SYN1: variants seen among roughly 807,000 people sequenced by gnomAD.
SYN1 encodes synapsin-1.
SYN1 carries 8 observed loss-of-function variants against 44.6 expected under a neutral mutation model. The observed-to-expected ratio is 0.18, with a 90% confidence interval of 0.11 to 0.32. SYN1 has a LOEUF of 0.32. SYN1 is among the 10% of genes least tolerant of loss of function. The pLI is 1.00. For missense variants in SYN1, 451 were observed against 639.4 expected (o/e 0.71, Z 3.18); for synonymous variants, 275 against 280.1 (o/e 0.98, Z 0.18).
intron 5 of SYN1, among the ~76,000 whole-genome samples, chrX:47,602,830 A>G (rs1031538549): frequency 9.0e-5 from 10 of 111,566 alleles, no homozygotes; most frequent in African/African-American, 3.3e-4. Context: ...TTTTAGTCAT[A>G]AAATTGGTGA....
chrX:47,575,132 C>T lies in SYN1; in HGVS notation c.1301G>A (p.Gly434Asp). The T allele has an allele frequency of 9.3e-6, 11 of 1,188,375 alleles. No individual in the cohort carries two copies. Among genetic ancestry groups the T allele is most frequent in the Non-Finnish European group, 1.2e-5 (11 of 883,764 alleles). Residue 434 changes from glycine (G) to aspartate (D), a missense_variant, in exon 10 of 13, where the codon GGC becomes GAC. Physicochemically the swap from Gly to Asp is moderately conservative, Grantham distance 94. Transcript: ENST00000295987. Reference protein sequence around the residue: ...RDASPGRGSHGQTPSPGALPL... With the variant: ...RDASPGRGSHDQTPSPGALPL... ...GCTCAGCGCCAGGGGCCTGACCTGGCCATGGGAGCCCCTGCCAGGGGAGGC... is the reference window on the plus strand; with the variant it reads ...GCTCAGCGCCAGGGGCCTGACCTGGTCATGGGAGCCCCTGCCAGGGGAGGC...
rs150140645 is a variant in SYN1 at position 47,590,745 on chromosome X, G to A, written c.775-13244C>T. Among the ~76,000 whole-genome samples the A allele has an allele frequency of 8.1e-3, 905 of 111,166 alleles. 13 individuals are homozygous for A. The highest frequency in any genetic ancestry group is 0.028 in the African/African-American group (868 of 30,619). On this transcript the variant is annotated intron_variant, in intron 5 of 12. Transcript: ENST00000295987. ...CTCAGGGACTCCCGCAGCCACAGGC[G>A]TCCCCTTTGTGTTGTGGCTCACCCC...
chrX:47,606,705 G>T (rs1206339298), intron 3 of SYN1, among the ~76,000 whole-genome samples: 1 of 106,873 alleles, frequency 9.4e-6, no homozygotes, highest in East Asian at 2.9e-4. Flanking sequence ...CTCCAGCCTG[G>T]GAGACAGAGC....
chrX:47,590,311 C>G (rs1179243409), intron 5 of SYN1: 1 of 111,405 alleles, frequency 9.0e-6, no homozygotes, highest in Non-Finnish European at 1.9e-5. Context: ...TTCCTAACGG[C>G]AGGCCAGCCA....
intron 5 of SYN1, chrX:47,586,700 C>T (rs376973868): frequency 2.6e-5 from 31 of 1,204,351 alleles, no homozygotes; most frequent in Non-Finnish European, 3.1e-5. Context: ...GAATCCTGCC[C>T]GGAGTGGAAG....
rs1482095311 is a variant in SYN1, at chrX:47,572,760, C to A, written c.*104G>T. The A allele has an allele frequency of 3.6e-6, 4 of 1,123,268 alleles. No individual in the cohort carries two copies. The Admixed American group carries it at 9.0e-5, about 25-fold the overall frequency. The allele number at this position is 1,123,268 out of a possible 1,213,427, so 92.6% of individuals were successfully genotyped here. A position where few individuals can be genotyped will look rare whatever the true frequency, so the allele number is the denominator to read the frequency against. On this transcript the variant is annotated 3_prime_UTR_variant, in exon 13 of 13. Coordinates refer to ENST00000295987, the MANE Select transcript of SYN1 (RefSeq NM_006950.3). ...AATGAGAGGTGGAATCTTGGAGAAC[C>A]GGGAGATGGGTTCTCAAGGGATTTG...
chrX:47,575,773 G>A (rs755172462), intron 9 of SYN1, among the ~76,000 whole-genome samples: 52 of 111,644 alleles, frequency 4.7e-4, no homozygotes, highest in African/African-American at 1.5e-3. Context: ...AATGTTTGCC[G>A]ATCCCTGCTT....
intron 5 of SYN1, among the ~76,000 whole-genome samples, chrX:47,580,237 G>A (rs2057792328): frequency 2.9e-5 from 3 of 103,479 alleles, no homozygotes; most frequent in South Asian, 9.4e-4. Context: ...TGCCCAGACT[G>A]GTCTTGAACT....
At chrX:47,596,812 G>A (rs2057865001) in intron 5 of SYN1, among the ~76,000 whole-genome samples, 1 of 111,948 alleles carries the variant, frequency 8.9e-6, no homozygotes, top group African/African-American at 3.2e-5. Flanking sequence ...AAAAATGTAT[G>A]AGAGATGCAA....
In SYN1 at chrX:47,574,279, C is replaced by T; in HGVS notation, c.1705G>A (p.Val569Ile). Residue 569 changes from valine (V) to isoleucine (I), a missense_variant, in exon 12 of 13, where the codon GTC (valine) becomes ATC (isoleucine). Transcript: ENST00000295987. The stretch of plus-strand genomic sequence containing the variant: ...GCCTTTGGCGGAGCCGGGCCAGAGA[C>T]GGATGTCTGACGGGTAGCCTGTGGG... ...GPPQATRQTS[V>I]SGPAPPKASG... 1.8e-6 allele frequency: 2 copies of T among 1,104,409 alleles called. No individual in the cohort carries two copies. The highest frequency in any genetic ancestry group is 2.4e-6 in the Non-Finnish European group (2 of 849,231). The allele number at this position is 1,104,409 out of a possible 1,213,427, so 91.0% of individuals were successfully genotyped here. A position where few individuals can be genotyped will look rare whatever the true frequency, so the allele number is the denominator to read the frequency against.
At position 47,575,108 on chromosome X, in the gene SYN1, C is replaced by T; in HGVS notation, c.1305+20G>A. On this transcript the variant is annotated intron_variant, in intron 10 of 12. Transcript: ENST00000295987. ...TCCCCACACTAGCTCAAGCCACTAG[C>T]TCAGCGCCAGGGGCCTGACCTGGCC... 1.7e-6 allele frequency: 2 copies of T among 1,183,835 alleles called. No individual in the cohort carries two copies. Among genetic ancestry groups the T allele is most frequent in the South Asian group, 3.7e-5 (2 of 53,739 alleles).
In SYN1 at chrX:47,572,939, G is replaced by T. The variant is rs917416561; in HGVS notation, c.2043C>A (p.Ser681Arg). 1.7e-6 allele frequency: 2 copies of T among 1,211,880 alleles called. No individual in the cohort carries two copies. The highest frequency in any genetic ancestry group is 3.5e-5 in the South Asian group (2 of 57,014). Reference sequence around the variant, plus strand: ...CAGCTTTCACCTCGTCCTGGCTAAGGCTGGGCCTGGGCGGGGCTGGCTCTG... The same window carrying T: ...CAGCTTTCACCTCGTCCTGGCTAAGTCTGGGCCTGGGCGGGGCTGGCTCTG... ...NLPEPAPPRP[S>R]LSQDEVKAET... is the part of the protein sequence containing the mutation. Residue 681 changes from serine to arginine, a missense_variant, in exon 13 of 13, where the codon AGC becomes AGA. By Grantham distance (110) the Ser-to-Arg change is moderately radical. This residue lies in a region of SYN1 where 127 missense variants were observed against 154.8 expected (regional missense o/e 0.82). Transcript: ENST00000295987.
rs1349678404 is a variant in SYN1, at chrX:47,590,069, C to T, written c.775-12568G>A. ...AAGGAATGGGGTAGGTCTCCGAGAC[C>T]CAAAAGCTCCTGATGTGATACTAAG... On this transcript the variant is annotated intron_variant, in intron 5 of 12. Transcript: ENST00000295987. 4 of 110,774 alleles carry T rather than the reference C, an allele frequency of 3.6e-5. No individual in the cohort carries two copies. In the East Asian group the frequency reaches 1.1e-3, roughly 31 times the overall value. 9.1% of individuals were successfully genotyped at this position (110,774 alleles called of 1,213,427 possible). A position where few individuals can be genotyped will look rare whatever the true frequency, so the allele number is the denominator to read the frequency against.
chrX:47,592,861 T>C (rs2057852342), intron 5 of SYN1, among the ~76,000 whole-genome samples: 1 of 111,893 alleles, frequency 8.9e-6, no homozygotes, highest in Non-Finnish European at 1.9e-5. Context: ...CATATGCTGC[T>C]GTTACTGCAT....
At position 47,572,234 on chromosome X, in the gene SYN1, A is replaced by AGGGGGTCCCTGGGGGAACCG. The variant is rs2057762332; in HGVS notation, c.*610_*629dup. 3 of 112,236 alleles carry AGGGGGTCCCTGGGGGAACCG rather than the reference A, an allele frequency of 2.7e-5. No individual in the cohort carries two copies. The highest frequency in any genetic ancestry group is 5.6e-5 in the Non-Finnish European group (3 of 54,022). The allele number at this position is 112,236 out of a possible 1,213,427, so 9.2% of individuals were successfully genotyped here. A position where few individuals can be genotyped will look rare whatever the true frequency, so the allele number is the denominator to read the frequency against. ...AGCTGTCAGAGGCAGGAAACTGGGG[A>AGGGGGTCCCTGGGGGAACCG]GGGGGTCCCTGGGGGAACCGAGGGG... On this transcript the variant is annotated 3_prime_UTR_variant, in exon 13 of 13. Transcript: ENST00000295987.
In SYN1 at chrX:47,604,967, C is replaced by G; in HGVS notation, c.774+11G>C. 2 of 1,203,342 alleles carry G rather than the reference C, an allele frequency of 1.7e-6. No individual in the cohort carries two copies. Among genetic ancestry groups the G allele is most frequent in the Non-Finnish European group, 2.3e-6 (2 of 888,129 alleles). On this transcript the variant is annotated intron_variant, in intron 5 of 12. Transcript: ENST00000295987. ...CTTCCCTCCTGCCCACTCTATTTTC[C>G]CCAAACTCACCATTTCTTTGTGATT...
intron 1 of SYN1, among the ~76,000 whole-genome samples, chrX:47,610,382 G>C (rs1378429360): frequency 9.1e-6 from 1 of 109,412 alleles, no homozygotes; most frequent in Non-Finnish European, 1.9e-5. Flanking sequence ...TTAGAATATA[G>C]ACCTTCTGCT....
In SYN1 at chrX:47,605,295, C is replaced by T. The variant is rs1316573267; in HGVS notation, c.612G>A (p.Gly204=). The change falls in exon 4 of 13, where the codon GGG becomes GGA. Residue 204 remains glycine, a synonymous_variant. Transcript: ENST00000295987. ...CACTGGGGATTCCAGCATACTGCAG[C>T]CCAATGACCAAACTGCGGTAGTCTC... ...RNGDYRSLVI[G]LQYAGIPSVN... The T allele has an allele frequency of 8.3e-7, 1 of 1,210,464 alleles. No individual in the cohort carries two copies. Among genetic ancestry groups the T allele is most frequent in the Admixed American group, 2.2e-5 (1 of 45,899 alleles).
chrX:47,594,116 C>G (rs1334089746), intron 5 of SYN1, among the ~76,000 whole-genome samples: 1 of 110,044 alleles, frequency 9.1e-6, no homozygotes, highest in Non-Finnish European at 1.9e-5. Context: ...CACCTGTGGC[C>G]CCAGCTACTC....
Sources: allele counts gnomAD v4.1 joint callset (sites outside exome capture counted in the v4.1 genomes callset), GRCh38; gene constraint gnomAD v4.1.1; regional missense constraint gnomAD v4.1.1; transcripts MANE v1.5; gene names NCBI Gene and HGNC (gene_info 2026-07-23, HGNC 2026-07-21).